Variants in PKD1L3 observed in about 807,000 individuals in gnomAD.
PKD1L3 encodes the protein polycystin 1 like 3, transient receptor potential channel interacting, also known as polycystin-1-like protein 3.
In PKD1L3, 239 loss-of-function variants were observed where a neutral mutation model predicts 184.1. The ratio of observed to expected loss-of-function variants is 1.30; its 90% CI spans 1.17 to 1.45. PKD1L3 has a LOEUF of 1.45. Among genes scored for constraint, PKD1L3 ranks in the 40% most tolerant of loss-of-function variants. PKD1L3 has a pLI of 0.00. For missense variants in PKD1L3, 2,660 were observed against 2,067.2 expected (o/e 1.29, Z -5.56); for synonymous variants, 996 against 778.8 (o/e 1.28, Z -4.64).
intron 27 of PKD1L3, among the ~76,000 whole-genome samples, 151 bp from the exon 28 acceptor site, chr16:71,933,672 T>C (rs1398702020): frequency 1.3e-5 from 2 of 152,222 alleles, no homozygotes; most frequent in East Asian, 3.8e-4. Context: ...TCCTTTGTAA[T>C]AACATAGTGT....
chr16:71,986,978 G>A (rs1177350862), intron 4 of PKD1L3, among the ~76,000 whole-genome samples: 1 of 134,816 alleles, frequency 7.4e-6, no homozygotes, highest in African/African-American at 2.9e-5. Context: ...AGGCTGGAGT[G>A]CAGTGGCACG....
At chr16:71,935,632 T>G in intron 25 of PKD1L3, 114 bp from the exon 26 acceptor site, 1 of 971,362 alleles carries the variant, frequency 1.0e-6, no homozygotes, top group East Asian at 2.6e-5. Context: ...CTGCCAGGCA[T>G]TTATCAGATC....
intron 25 of PKD1L3, among the ~76,000 whole-genome samples, chr16:71,936,853 A>G (rs2038198062): frequency 1.3e-5 from 2 of 152,220 alleles, no homozygotes; most frequent in Non-Finnish European, 2.9e-5. Context: ...AAACTACAAA[A>G]GTACTATTTC....
intron 28 of PKD1L3, among the ~76,000 whole-genome samples, chr16:71,932,336 G>A (rs1344764628): frequency 6.6e-5 from 10 of 152,196 alleles, no homozygotes; most frequent in Admixed American, 2.6e-4. Context: ...TACTTTATAT[G>A]TTGAGGAGGA....
chr16:71,982,097 C>T lies in PKD1L3; in HGVS notation c.1105G>A (p.Glu369Lys). The stretch of plus-strand genomic sequence containing the variant: ...CGCTTGGATTCCAGCCAACTTCCTT[C>T]TCCAGCTTTGGTGACATTGTTGAGG... Reference protein sequence around the residue: ...HSLNNVTKAGEGSWLESKRHT... With the variant: ...HSLNNVTKAGKGSWLESKRHT... The change falls in exon 7 of 30, where the codon GAA becomes AAA. Residue 369 changes from glutamate (E) to lysine (K), a missense_variant. Coordinates refer to ENST00000620267, the MANE Select transcript of PKD1L3 (RefSeq NM_181536.2). The T allele has an allele frequency of 6.4e-7, 1 of 1,550,846 alleles. No individual in the cohort carries two copies. The highest frequency in any genetic ancestry group is 8.7e-7 in the Non-Finnish European group (1 of 1,146,714).
intron 21 of PKD1L3, among the ~76,000 whole-genome samples, chr16:71,948,140 G>A (rs1365176749): frequency 6.6e-6 from 1 of 151,922 alleles, no homozygotes; most frequent in Non-Finnish European, 1.5e-5. Context: ...GGAGTACAAC[G>A]GCACGATCTT....
rs913434366 is a variant in PKD1L3 at position 71,967,151 on chromosome 16, G to A, written c.2451C>T (p.Gly817=). The A allele has an allele frequency of 3.2e-6, 5 of 1,551,446 alleles. No individual in the cohort carries two copies. Among genetic ancestry groups the A allele is most frequent in the Admixed American group, 3.9e-5 (2 of 50,968 alleles). The change falls in exon 15 of 30, where the codon GGC becomes GGT. Residue 817 remains glycine (G), a synonymous_variant. Transcript: ENST00000620267. The part of the protein sequence containing the change: ...HSLRLWHDNS[G]VSPSWYVSQV... ...TAAGTACTCACCAGGAGGGACTGAC[G>A]CCAGAATTGTCATGCCAGAGCCGAA...
chr16:71,950,873 C>T (rs2038803278), intron 19 of PKD1L3, among the ~76,000 whole-genome samples: 1 of 151,404 alleles, frequency 6.6e-6, no homozygotes, highest in South Asian at 2.1e-4. Context: ...GCTAAGATTA[C>T]AGGCATCTGC....
rs1274709397 is a variant in PKD1L3, at chr16:71,935,418, T to C, written c.4553A>G (p.Asp1518Gly). Residue 1518 changes from aspartate to glycine, a missense_variant, in exon 26 of 30, where the codon GAC becomes GGC. By Grantham distance (94) the Asp-to-Gly change is moderately conservative. Transcript: ENST00000620267. Reference protein sequence around the residue: ...ILISFILLGLDMKSISLHKKN... With the variant: ...ILISFILLGLGMKSISLHKKN... ...CTTATGTAGAGAAATACTCTTCATG[T>C]CAAGCCCCAGGAGGATGAAGCTAAT... 6.4e-7 allele frequency: 1 copy of C among 1,551,960 alleles called. No homozygotes were observed.
intron 21 of PKD1L3, among the ~76,000 whole-genome samples, chr16:71,948,325 C>A (rs569476074): frequency 6.6e-6 from 1 of 152,094 alleles, no homozygotes; most frequent in South Asian, 2.1e-4. Context: ...TCAGGTAATC[C>A]GCCTGCCTCG....
Position 71,977,314 on chromosome 16 carries a change from G to A in PKD1L3, c.1681C>T (p.Leu561=). The A allele has an allele frequency of 6.5e-7, 1 of 1,545,034 alleles. No homozygotes were observed. Among genetic ancestry groups the A allele is most frequent in the South Asian group, 1.2e-5 (1 of 83,894 alleles). The change falls in exon 11 of 30, where the codon CTG becomes TTG. Residue 561 remains leucine, a synonymous_variant. Transcript: ENST00000620267. The part of the protein sequence containing the change: ...PDSPLLMTLY[L]GFQYQPNCTH... ...CAGTTAGGCTGATACTGGAACCCCA[G>A]GTAGAGTGTCATTAAAAGGGGACTG...
At chr16:71,990,156 C>A in intron 4 of PKD1L3, 124 bp downstream of exon 4, 2 of 696,316 alleles carry the variant, frequency 2.9e-6, no homozygotes, top group African/African-American at 1.9e-5. Flanking sequence ...CACGTAAGTA[C>A]TTTATTTTCC....
intron 22 of PKD1L3, among the ~76,000 whole-genome samples, chr16:71,944,691 T>A (rs1053877953): frequency 5.3e-5 from 7 of 131,456 alleles, no homozygotes; most frequent in Non-Finnish European, 1.1e-4. Context: ...CAAGACCATA[T>A]CTGTTTTTTG....
chr16:71,942,526 C>A, intron 24 of PKD1L3, 34 bp downstream of exon 24: 1 of 1,500,016 alleles, frequency 6.7e-7, no homozygotes, highest in Non-Finnish European at 9.0e-7. Flanking sequence ...TTCTTTGCTA[C>A]GTGTGGTTGA....
At chr16:71,937,963 G>A (rs932745013) in intron 24 of PKD1L3, among the ~76,000 whole-genome samples, 45 of 152,274 alleles carry the variant, frequency 3.0e-4, no homozygotes, top group Admixed American at 1.7e-3. Flanking sequence ...CCATGACATC[G>A]GCTGCAGTGG....
At chr16:71,958,262 C>T (rs1392267160) in intron 16 of PKD1L3, among the ~76,000 whole-genome samples, 3 of 150,814 alleles carry the variant, frequency 2.0e-5, no homozygotes, top group Non-Finnish European at 4.5e-5. Context: ...TGGCGGGCGC[C>T]TGTAGTCCCA....
At chr16:71,993,480 G>A (rs1278449494) in intron 2 of PKD1L3, 148 bp from the exon 3 acceptor site, 1 of 583,192 alleles carries the variant, frequency 1.7e-6, no homozygotes, top group African/African-American at 1.9e-5. Context: ...TAAGAATTCT[G>A]CAGTAGCCCT....
At position 71,933,933 on chromosome 16, in the gene PKD1L3, C is replaced by T. The variant is rs549462284; in HGVS notation, c.4806G>A (p.Leu1602=). 1.3e-6 allele frequency: 2 copies of T among 1,551,152 alleles called. No homozygotes were observed. Among genetic ancestry groups the T allele is most frequent in the Non-Finnish European group, 1.7e-6 (2 of 1,146,830 alleles). ...GGCTTACGGCAATGGCATAGCCTGTCAGCAGGATTAGGATGATCAGCAGAA... is the reference window on the plus strand; with the variant it reads ...GGCTTACGGCAATGGCATAGCCTGTTAGCAGGATTAGGATGATCAGCAGAA... ...VGFLLIILIL[L]TGYAIAFNLL... Residue 1602 remains leucine (L), a synonymous_variant, in exon 27 of 30, where the codon CTG becomes CTA. Coordinates refer to ENST00000620267, the MANE Select transcript of PKD1L3 (RefSeq NM_181536.2).
chr16:71,933,462 C>CA lies in PKD1L3; in HGVS notation c.4883dup (p.Thr1629AspfsTer40), dbSNP rs1442595304. 5 of 1,551,376 alleles carry CA rather than the reference C, an allele frequency of 3.2e-6. No individual in the cohort carries two copies. Among genetic ancestry groups the CA allele is most frequent in the Non-Finnish European group, 3.5e-6 (4 of 1,146,626 alleles). ...TTCCCATCAGGAGACCAACAACAGT[C>CA]ACTGCTGAGCTGAAAAATGTCCGGT... On this transcript the variant is annotated frameshift_variant, in exon 28 of 30. Coordinates refer to ENST00000620267, the MANE Select transcript of PKD1L3 (RefSeq NM_181536.2). LOFTEE classifies it high-confidence loss of function.
Sources: allele counts gnomAD v4.1 joint callset (sites outside exome capture counted in the v4.1 genomes callset), GRCh38; gene constraint gnomAD v4.1.1; transcripts MANE v1.5; gene names NCBI Gene and HGNC (gene_info 2026-07-23, HGNC 2026-07-21).